Variants in SBSN observed in about 807,000 individuals in gnomAD.
SBSN encodes the protein HLAR698.
A neutral mutation model predicts 42.8 loss-of-function variants in SBSN; 33 were observed. That is an observed-to-expected ratio of 0.77 (90% CI 0.58 to 1.03). SBSN has a LOEUF of 1.03. Ranked by LOEUF, SBSN falls within the 50% of genes least tolerant of loss-of-function variation. SBSN has a pLI of 0.00. For missense variants in SBSN, 646 were observed against 757.3 expected, an observed-to-expected ratio of 0.85 and a Z score of 1.72; for synonymous variants, 276 against 307.0, an observed-to-expected ratio of 0.90 and a Z score of 1.06.
intron 1 of SBSN, among the ~76,000 whole-genome samples, chr19:35,525,690 T>C (rs1435705250): frequency 2.0e-5 from 3 of 152,086 alleles, no homozygotes; most frequent in Admixed American, 6.6e-5. Context: ...TATTTTATTA[T>C]TATTTTTTTT....
chr19:35,527,956 C>G lies in SBSN; in HGVS notation c.326G>C (p.Gly109Ala). 6.2e-7 allele frequency: 1 copy of G among 1,614,092 alleles called. No homozygotes were observed. The highest frequency in any genetic ancestry group is 8.5e-7 in the Non-Finnish European group (1 of 1,180,044). The stretch of plus-strand genomic sequence containing the variant: ...ATGGCCAAGCTTCTCTGCTTCCTTT[C>G]CTGCTTGTCCAATACCATGGTTGAT... The part of the protein sequence containing the change: ...HEINHGIGQA[G>A]KEAEKLGHGV... Residue 109 changes from glycine to alanine, a missense_variant, in exon 1 of 4, where the codon GGA (glycine) becomes GCA (alanine). This residue lies in a region of SBSN where 190 missense variants were observed against 197.1 expected (regional missense o/e 0.96). Coordinates refer to ENST00000452271, the MANE Select transcript of SBSN (RefSeq NM_001166034.2).
In SBSN at chr19:35,527,861, C is replaced by G. The variant is rs764568346; in HGVS notation, c.421G>C (p.Gly141Arg). 2 of 1,614,036 alleles carry G rather than the reference C, an allele frequency of 1.2e-6. No individual in the cohort carries two copies. The highest frequency in any genetic ancestry group is 1.3e-5 in the African/African-American group (1 of 74,928). The change falls in exon 1 of 4, where the codon GGG becomes CGG. Residue 141 changes from glycine to arginine, a missense_variant. This residue lies in a region of SBSN where 190 missense variants were observed against 197.1 expected (regional missense o/e 0.96). Transcript: ENST00000452271. The part of the protein sequence containing the change: ...DKLIHHGVHH[G>R]ANQAGSEAGK... ...GCCTCACTTCCCGCCTGGTTGGCCC[C>G]GTGATGGACCCCATGATGGATCAGT... is the stretch of plus-strand genomic sequence containing the variant.
chr19:35,523,534 C>T lies in SBSN; in HGVS notation c.1750-1G>A, dbSNP rs1221997180. The T allele has an allele frequency of 1.4e-5, 22 of 1,613,998 alleles. No individual in the cohort carries two copies. Among genetic ancestry groups the T allele is most frequent in the Non-Finnish European group, 1.8e-5 (21 of 1,180,030 alleles). ...TTTAGGGCATGATGTTGGCGACGCT[C>T]TGGAAGAGAGAAGGAGAGCAGGGGT... On this transcript the variant is annotated splice_acceptor_variant, in intron 3 of 3. Coordinates refer to ENST00000452271, the MANE Select transcript of SBSN (RefSeq NM_001166034.2). LOFTEE classifies it high-confidence loss of function.
Position 35,528,076 on chromosome 19 carries a change from A to T in SBSN, c.206T>A (p.Phe69Tyr), listed in dbSNP as rs759142526. 1 of 1,613,964 alleles carries T rather than the reference A, an allele frequency of 6.2e-7. No individual in the cohort carries two copies. The highest frequency in any genetic ancestry group is 1.1e-5 in the South Asian group (1 of 91,076). ...GCTCCCCATGTTGCTAAGTCCGTTG[A>T]AAACCTTCTCCACTTCCCTTCCGGC... is the stretch of plus-strand genomic sequence containing the variant. ...THAGREVEKV[F>Y]NGLSNMGSHT... The change falls in exon 1 of 4, where the codon TTC (phenylalanine) becomes TAC (tyrosine). Residue 69 changes from phenylalanine (F) to tyrosine (Y), a missense_variant. Phe to Tyr is a conservative substitution (Grantham distance 22). This residue lies in a region of SBSN where 190 missense variants were observed against 197.1 expected (regional missense o/e 0.96). Transcript: ENST00000452271.
At chr19:35,524,192 TA>T (rs2071342449) in intron 3 of SBSN, among the ~76,000 whole-genome samples, 1 of 152,042 alleles carries the variant, frequency 6.6e-6, no homozygotes, top group Non-Finnish European at 1.5e-5. Context: ...TAAATTAAAA[TA>T]AAGAAAGAGA....
chr19:35,523,523 T>C lies in SBSN; in HGVS notation c.1760A>G (p.Asn587Ser). 1 of 1,614,060 alleles carries C rather than the reference T, an allele frequency of 6.2e-7. No homozygotes were observed. The highest frequency in any genetic ancestry group is 8.5e-7 in the Non-Finnish European group (1 of 1,179,994). The stretch of plus-strand genomic sequence containing the variant: ...CCGGATGCCAGTTTAGGGCATGATG[T>C]TGGCGACGCTCTGGAAGAGAGAAGG... Reference protein sequence around the residue: ...NLPALWRSVANIMP With the variant: ...NLPALWRSVASIMP Residue 587 changes from asparagine to serine, a missense_variant, in exon 4 of 4, where the codon AAC becomes AGC. Coordinates refer to ENST00000452271, the MANE Select transcript of SBSN (RefSeq NM_001166034.2).
rs759307061 is a variant in SBSN, at chr19:35,526,929, G to A, written c.1353C>T (p.Ala451=). 41 of 1,593,244 alleles carry A rather than the reference G, an allele frequency of 2.6e-5. No individual in the cohort carries two copies. The highest frequency in any genetic ancestry group is 6.8e-5 in the African/African-American group (5 of 73,860). ...VHGVQPGVHE[A]GKEAGQFGQG... is the part of the protein sequence containing the mutation. ...GGCCAAACTGCCCTGCCTCCTTCCC[G>A]GCCTCGTGGACCCCAGGTTGGACAC... Residue 451 remains alanine, a synonymous_variant, in exon 1 of 4, where the codon GCC becomes GCT. Coordinates refer to ENST00000452271, the MANE Select transcript of SBSN (RefSeq NM_001166034.2).
rs2146286786 is a variant in SBSN, at chr19:35,527,994, C to T, written c.288G>A (p.Lys96=). 1 of 1,613,924 alleles carries T rather than the reference C, an allele frequency of 6.2e-7. No individual in the cohort carries two copies. The highest frequency in any genetic ancestry group is 8.5e-7 in the Non-Finnish European group (1 of 1,180,046). The change falls in exon 1 of 4, where the codon AAG becomes AAA. Residue 96 remains lysine (K), a synonymous_variant. Coordinates refer to ENST00000452271, the MANE Select transcript of SBSN (RefSeq NM_001166034.2). Reference sequence around the variant, plus strand: ...TACCATGGTTGATCTCATGGGCAACCTTGTCCATGCCGTGGTTGAGCCCCT... The same window carrying T: ...TACCATGGTTGATCTCATGGGCAACTTTGTCCATGCCGTGGTTGAGCCCCT... ...GVQGLNHGMD[K]VAHEINHGIG... is the part of the protein sequence containing the mutation.
Position 35,527,941 on chromosome 19 carries a change from T to C in SBSN, c.341A>G (p.Lys114Arg), listed in dbSNP as rs1701528978. 3 of 1,614,170 alleles carry C rather than the reference T, an allele frequency of 1.9e-6. No individual in the cohort carries two copies. Among genetic ancestry groups the C allele is most frequent in the Non-Finnish European group, 2.5e-6 (3 of 1,180,038 alleles). ...GIGQAGKEAE[K>R]LGHGVNNAAG... ...AGCGTTGTTGACCCCATGGCCAAGC[T>C]TCTCTGCTTCCTTTCCTGCTTGTCC... The change falls in exon 1 of 4, where the codon AAG (lysine) becomes AGG (arginine). Residue 114 changes from lysine (K) to arginine (R), a missense_variant. By Grantham distance (26) the Lys-to-Arg change is conservative (BLOSUM62 2). Coordinates refer to ENST00000452271, the MANE Select transcript of SBSN (RefSeq NM_001166034.2).
In SBSN at chr19:35,524,897, G is replaced by A. The variant is rs1600119324; in HGVS notation, c.1666C>T (p.His556Tyr). The A allele has an allele frequency of 6.2e-7, 1 of 1,614,112 alleles. No homozygotes were observed. Among genetic ancestry groups the A allele is most frequent in the East Asian group, 2.2e-5 (1 of 44,876 alleles). Reference sequence around the variant, plus strand: ...GGCGTGGTTGTGGCCCCTCCTTGATGGCTGGAAGATCCGCTTTGATGGTTG... The same window carrying A: ...GGCGTGGTTGTGGCCCCTCCTTGATAGCTGGAAGATCCGCTTTGATGGTTG... ...NGNHQSGSSSHQGGATTTPLA... is the reference protein window; with the variant it reads ...NGNHQSGSSSYQGGATTTPLA... The change falls in exon 2 of 4, where the codon CAT becomes TAT. Residue 556 changes from histidine to tyrosine, a missense_variant. Around this residue, in one of 3 missense-constraint regions of SBSN, gnomAD observed 236 missense variants for 225.6 expected, o/e 1.05. Coordinates refer to ENST00000452271, the MANE Select transcript of SBSN (RefSeq NM_001166034.2).
Position 35,527,485 on chromosome 19 carries a change from T to C in SBSN, c.797A>G (p.His266Arg), listed in dbSNP as rs930384626. 3.8e-6 allele frequency: 6 copies of C among 1,560,956 alleles called. No individual in the cohort carries two copies. The African/African-American group carries it at 7.0e-5, about 18-fold the overall frequency. Residue 266 changes from histidine (H) to arginine (R), a missense_variant, in exon 1 of 4, where the codon CAT becomes CGT. Transcript: ENST00000452271. The stretch of plus-strand genomic sequence containing the variant: ...CTCCTTCCAGCCCTCACTGAGACCA[T>C]GGTGGACCCCCTGGCCAAATCTCCC... ...EAGRFGQGVH[H>R]GLSEGWKETE...
Position 35,524,774 on chromosome 19 carries a change from A to T in SBSN, c.1705-19T>A. 1 of 1,613,958 alleles carries T rather than the reference A, an allele frequency of 6.2e-7. No homozygotes were observed. Among genetic ancestry groups the T allele is most frequent in the Non-Finnish European group, 8.5e-7 (1 of 1,179,960 alleles). On this transcript the variant is annotated intron_variant, in intron 2 of 3. Coordinates refer to ENST00000452271, the MANE Select transcript of SBSN (RefSeq NM_001166034.2). Reference sequence around the variant, plus strand: ...CCGAGGCCTGCAATTCAAGGACAAGAAGGTCAGTCTCCAGCGTCTGACCCA... The same window carrying T: ...CCGAGGCCTGCAATTCAAGGACAAGTAGGTCAGTCTCCAGCGTCTGACCCA...
In SBSN at chr19:35,523,434, A is replaced by G. The variant is rs2071333564; in HGVS notation, c.*76T>C. On this transcript the variant is annotated 3_prime_UTR_variant, in exon 4 of 4. Transcript: ENST00000452271. The stretch of plus-strand genomic sequence containing the variant: ...CAGGGATTTCAGAAACCTGTCCCCC[A>G]CCCCCAACCCCTCCAGGTCATGTCA... 1.4e-6 allele frequency: 2 copies of G among 1,444,006 alleles called. No individual in the cohort carries two copies. The highest frequency in any genetic ancestry group is 1.4e-5 in the African/African-American group (1 of 71,092). 89.4% of individuals were successfully genotyped at this position (1,444,006 alleles called of 1,614,324 possible). A position where few individuals can be genotyped will look rare whatever the true frequency, so the allele number is the denominator to read the frequency against.
At position 35,524,721 on chromosome 19, in the gene SBSN, G is replaced by T. The variant is rs776078138; in HGVS notation, c.1739C>A (p.Ala580Asp). Residue 580 changes from alanine to aspartate, a missense_variant, in exon 3 of 4, where the codon GCC (alanine) becomes GAC (aspartate). Transcript: ENST00000452271. ...SVNTPFINLP[A>D]LWRSVANIMP ...CCATGGGGCACTCACCCTCCACAGGGCGGGAAGGTTGATGAAAGGCGTGTT... is the reference window on the plus strand; with the variant it reads ...CCATGGGGCACTCACCCTCCACAGGTCGGGAAGGTTGATGAAAGGCGTGTT... 1 of 1,614,016 alleles carries T rather than the reference G, an allele frequency of 6.2e-7. No individual in the cohort carries two copies. Among genetic ancestry groups the T allele is most frequent in the Non-Finnish European group, 8.5e-7 (1 of 1,179,970 alleles).
At position 35,527,830 on chromosome 19, in the gene SBSN, T is replaced by C; in HGVS notation, c.452A>G (p.Lys151Arg). ...GANQAGSEAG[K>R]FGQGVDNAAG... ...AGCATTGTCGACTCCCTGGCCAAAC[T>C]TCCCTGCCTCACTTCCCGCCTGGTT... Residue 151 changes from lysine to arginine, a missense_variant, in exon 1 of 4, where the codon AAG becomes AGG. Coordinates refer to ENST00000452271, the MANE Select transcript of SBSN (RefSeq NM_001166034.2). 1 of 1,613,450 alleles carries C rather than the reference T, an allele frequency of 6.2e-7. No individual in the cohort carries two copies. Among genetic ancestry groups the C allele is most frequent in the Non-Finnish European group, 8.5e-7 (1 of 1,179,916 alleles).
Position 35,524,726 on chromosome 19 carries a change from A to T in SBSN, c.1734T>A (p.Leu578=), listed in dbSNP as rs924187176. ...GASVNTPFIN[L]PALWRSVANI... Reference sequence around the variant, plus strand: ...GGGCACTCACCCTCCACAGGGCGGGAAGGTTGATGAAAGGCGTGTTGACCG... The same window carrying T: ...GGGCACTCACCCTCCACAGGGCGGGTAGGTTGATGAAAGGCGTGTTGACCG... Residue 578 remains leucine, a synonymous_variant, in exon 3 of 4, where the codon CTT becomes CTA. Coordinates refer to ENST00000452271, the MANE Select transcript of SBSN (RefSeq NM_001166034.2). 24 of 1,613,832 alleles carry T rather than the reference A, an allele frequency of 1.5e-5. No individual in the cohort carries two copies. Among genetic ancestry groups the T allele is most frequent in the Admixed American group, 1.0e-4 (6 of 59,980 alleles).
In SBSN at chr19:35,528,076, A is replaced by G. The variant is rs759142526; in HGVS notation, c.206T>C (p.Phe69Ser). 26 of 1,613,846 alleles carry G rather than the reference A, an allele frequency of 1.6e-5. No individual in the cohort carries two copies. The East Asian group carries it at 5.8e-4, about 36-fold the overall frequency. ...THAGREVEKV[F>S]NGLSNMGSHT... Reference sequence around the variant, plus strand: ...GCTCCCCATGTTGCTAAGTCCGTTGAAAACCTTCTCCACTTCCCTTCCGGC... The same window carrying G: ...GCTCCCCATGTTGCTAAGTCCGTTGGAAACCTTCTCCACTTCCCTTCCGGC... The change falls in exon 1 of 4, where the codon TTC becomes TCC. Residue 69 changes from phenylalanine to serine, a missense_variant. Physicochemically the swap from Phe to Ser is radical, Grantham distance 155. Transcript: ENST00000452271.
chr19:35,527,582 G>A lies in SBSN; in HGVS notation c.700C>T (p.Gln234Ter). ...FGQGIHHAAG[Q>*]VGKEAEKFGQ... The stretch of plus-strand genomic sequence containing the variant: ...AACTTCTCTGCCTCCTTCCCAACCT[G>A]ACCGGCAGCATGGTGGATCCCCTGG... The change falls in exon 1 of 4, where the codon CAG (glutamine) becomes TAG (stop). Residue 234 changes from glutamine to a stop codon, truncating the protein, a stop_gained. Coordinates refer to ENST00000452271, the MANE Select transcript of SBSN (RefSeq NM_001166034.2). LOFTEE classifies it high-confidence loss of function. 6.6e-7 allele frequency: 1 copy of A among 1,526,168 alleles called. No individual in the cohort carries two copies. The highest frequency in any genetic ancestry group is 8.7e-7 in the Non-Finnish European group (1 of 1,146,262). 94.5% of individuals were successfully genotyped at this position (1,526,168 alleles called of 1,614,324 possible). A position where few individuals can be genotyped will look rare whatever the true frequency, so the allele number is the denominator to read the frequency against.
chr19:35,523,831 G>A (rs1204799181), intron 3 of SBSN, among the ~76,000 whole-genome samples: 13 of 152,270 alleles, frequency 8.5e-5, no homozygotes, highest in South Asian at 4.1e-4. Flanking sequence ...TTCCTCCTCC[G>A]TGATACACCC....
Sources: gnomAD v4.1 joint callset for allele counts (sites outside exome capture counted in the v4.1 genomes callset) on GRCh38, gnomAD v4.1.1 for gene constraint, gnomAD v4.1.1 regional missense constraint, MANE v1.5 for transcripts, NCBI Gene and HGNC (gene_info 2026-07-23, HGNC 2026-07-21) for gene names.